PTPRN2: variants seen among roughly 807,000 people sequenced by gnomAD.
PTPRN2 encodes the protein protein tyrosine phosphatase receptor type N2.
PTPRN2 carries 74 observed loss-of-function variants against 118.8 expected under a neutral mutation model. That is an observed-to-expected ratio of 0.62 (90% confidence interval 0.52 to 0.76). The LOEUF is 0.76. Ranked by LOEUF, PTPRN2 falls within the 30% of genes least tolerant of loss-of-function variation. PTPRN2 has a pLI of 0.00. For missense variants in PTPRN2, 1,481 were observed against 1,394.4 expected, an observed-to-expected ratio of 1.06 and a Z score of -0.99; for synonymous variants, 641 against 608.0, an observed-to-expected ratio of 1.05 and a Z score of -0.80.
At position 157,540,626 on chromosome 7, in the gene PTPRN2, TA is replaced by T; in HGVS notation, c.*87del. The T allele has an allele frequency of 8.5e-7, 1 of 1,170,230 alleles. No homozygotes were observed. The highest frequency in any genetic ancestry group is 1.2e-6 in the Non-Finnish European group (1 of 812,748). The allele number at this position is 1,170,230 out of a possible 1,614,324, so 72.5% of individuals were successfully genotyped here. A position where few individuals can be genotyped will look rare whatever the true frequency, so the allele number is the denominator to read the frequency against. ...TAAGGGCCCTATTACTATGCAGTTA[TA>T]ATAGAAGACACACAATTAAAGTCAG... On this transcript the variant is annotated 3_prime_UTR_variant, in exon 23 of 23. Transcript: ENST00000389418.
intron 13 of PTPRN2, among the ~76,000 whole-genome samples, chr7:157,667,287 A>G (rs1392378964): frequency 1.4e-5 from 2 of 142,498 alleles, no homozygotes; most frequent in Non-Finnish European, 3.0e-5. Context: ...CCCGTGGGAC[A>G]CTGATCTCAG....
chr7:157,938,034 G>C (rs1290555595), intron 11 of PTPRN2, among the ~76,000 whole-genome samples: 1 of 152,176 alleles, frequency 6.6e-6, no homozygotes, highest in Non-Finnish European at 1.5e-5. Flanking sequence ...GTGCATGGTG[G>C]GGCCATCTAA....
chr7:157,613,690 G>T (rs1396315979), intron 15 of PTPRN2, among the ~76,000 whole-genome samples: 1 of 152,192 alleles, frequency 6.6e-6, no homozygotes, highest in African/African-American at 2.4e-5. Context: ...TCCCGACACC[G>T]GCCTGCCTGG....
chr7:157,604,144 C>A (rs1801866592), intron 15 of PTPRN2, 69 bp from the exon 16 acceptor site: 2 of 1,445,882 alleles, frequency 1.4e-6, no homozygotes, highest in Non-Finnish European at 1.9e-6. Flanking sequence ...CCCACTTGGC[C>A]TCCAGGGCCC....
chr7:158,451,580 T>C (rs1818098888), intron 2 of PTPRN2, among the ~76,000 whole-genome samples: 1 of 152,188 alleles, frequency 6.6e-6, no homozygotes, highest in South Asian at 2.1e-4. Flanking sequence ...ATCTTCCTTT[T>C]TTATTTCAAA....
At chr7:158,441,030 ACAGTGGTAG>A (rs1817029121) in intron 2 of PTPRN2, among the ~76,000 whole-genome samples, 2 of 117,362 alleles carry the variant, frequency 1.7e-5, no homozygotes, top group African/African-American at 3.7e-5. Flanking sequence ...GGTGGTGGTG[ACAGTGGTAG>A]TAGTGATGGT....
chr7:158,441,757 A>G (rs1472049007), intron 2 of PTPRN2, among the ~76,000 whole-genome samples: 1 of 134,748 alleles, frequency 7.4e-6, no homozygotes, highest in African/African-American at 2.9e-5. Flanking sequence ...TGATAGTGAT[A>G]GTGATGGTCA....
chr7:158,539,628 G>C (rs1466359538), intron 1 of PTPRN2: 2 of 217,066 alleles, frequency 9.2e-6, no homozygotes, highest in African/African-American at 2.4e-5. Context: ...GAAAGGCCTG[G>C]AGCCTTACGC....
intron 1 of PTPRN2, among the ~76,000 whole-genome samples, chr7:158,512,814 T>C (rs1161761982): frequency 2.6e-5 from 4 of 152,188 alleles, no homozygotes; most frequent in Non-Finnish European, 5.9e-5. Flanking sequence ...GATGGACGTA[T>C]TCAAAGGGAC....
At chr7:158,227,493 C>T (rs966964681) in intron 3 of PTPRN2, among the ~76,000 whole-genome samples, 2 of 152,072 alleles carry the variant, frequency 1.3e-5, no homozygotes, top group Non-Finnish European at 2.9e-5. Flanking sequence ...TGAGGAGGAG[C>T]CCCTGACGTG....
intron 11 of PTPRN2, among the ~76,000 whole-genome samples, chr7:157,941,769 C>G (rs1447019111): frequency 6.6e-6 from 1 of 152,188 alleles, no homozygotes; most frequent in Non-Finnish European, 1.5e-5. Context: ...AGCATGTGGC[C>G]AGCTGCTGCC....
intron 2 of PTPRN2, among the ~76,000 whole-genome samples, chr7:158,407,424 G>GGTCCTGC (rs1813643551): frequency 2.3e-5 from 1 of 43,448 alleles, no homozygotes; most frequent in African/African-American, 8.6e-5. Context: ...CTGGGTCCTG[G>GGTCCTGC]GTCCTGGGTC....
At chr7:157,817,839 GTA>G (rs899724720) in intron 12 of PTPRN2, among the ~76,000 whole-genome samples, 1 of 152,032 alleles carries the variant, frequency 6.6e-6, no homozygotes, top group Non-Finnish European at 1.5e-5. Context: ...TGTGTGTAGC[GTA>G]TGTGTGTGGT....
At chr7:158,256,725 C>T (rs934258308) in intron 3 of PTPRN2, among the ~76,000 whole-genome samples, 16 of 151,906 alleles carry the variant, frequency 1.1e-4, no homozygotes, top group South Asian at 4.2e-4. Context: ...AGAATTTGCC[C>T]GAGCTTAAAA....
intron 2 of PTPRN2, among the ~76,000 whole-genome samples, chr7:158,432,058 C>T (rs944023239): frequency 6.6e-6 from 1 of 152,244 alleles, no homozygotes; most frequent in African/African-American, 2.4e-5. Flanking sequence ...ATGACCCCTC[C>T]TGAGCCAATC....
intron 1 of PTPRN2, among the ~76,000 whole-genome samples, chr7:158,556,411 G>A (rs376186969): frequency 3.3e-5 from 5 of 152,018 alleles, no homozygotes; most frequent in Admixed American, 6.5e-5. Flanking sequence ...AAAATTAGCC[G>A]GGCATGGTGG....
intron 16 of PTPRN2, among the ~76,000 whole-genome samples, chr7:157,597,881 C>T (rs1801439047): frequency 6.6e-6 from 1 of 152,192 alleles, no homozygotes; most frequent in Non-Finnish European, 1.5e-5. Flanking sequence ...TCATCGGTTT[C>T]ACAATAATTC....
rs1799229073 is a variant in PTPRN2 at position 157,929,363 on chromosome 7, C to T, written c.1724-30626G>A. 6.6e-6 allele frequency among the ~76,000 whole-genome samples: 1 copy of T among 152,144 alleles called. No individual in the cohort carries two copies. ...CATTCAGGAGACACAAATGTCAACT[C>T]CTCTGTGGGTTCCTGCAGCACCGGG... On this transcript the variant is annotated intron_variant, in intron 11 of 22. Coordinates refer to ENST00000389418, the MANE Select transcript of PTPRN2 (RefSeq NM_002847.5). This position sits in a 1 kb window ranked among gnomAD's most constrained non-coding sequence, Gnocchi z 4.4.
At chr7:158,336,349 C>A (rs1207816077) in intron 2 of PTPRN2, among the ~76,000 whole-genome samples, 1 of 148,892 alleles carries the variant, frequency 6.7e-6, no homozygotes, top group Non-Finnish European at 1.5e-5. Flanking sequence ...ACGTCACTCA[C>A]ACCCACACTC....
Sources: allele counts gnomAD v4.1 joint callset (sites outside exome capture counted in the v4.1 genomes callset), GRCh38; gene constraint gnomAD v4.1.1; non-coding constraint Gnocchi (gnomAD v3.1); transcripts MANE v1.5; gene names NCBI Gene and HGNC (gene_info 2026-07-23, HGNC 2026-07-21).